Variants in CCSER1 observed in about 807,000 individuals in gnomAD.
CCSER1 encodes serine-rich coiled-coil domain-containing protein 1.
Under a neutral mutation model 82.0 loss-of-function variants are expected in CCSER1, and 41 were observed. The ratio of observed to expected loss-of-function variants is 0.50; its 90% CI spans 0.39 to 0.65. CCSER1 has a LOEUF of 0.65. Ranked by LOEUF, CCSER1 falls within the 30% of genes least tolerant of loss-of-function variation. The pLI is 0.00. For missense variants in CCSER1, 1,119 were observed against 1,064.2 expected, an observed-to-expected ratio of 1.05 and a Z score of -0.72; for synonymous variants, 414 against 383.9, an observed-to-expected ratio of 1.08 and a Z score of -0.92.
At chr4:90,903,548 A>G (rs1724985323) in intron 8 of CCSER1, among the ~76,000 whole-genome samples, 1 of 152,162 alleles carries the variant, frequency 6.6e-6, no homozygotes, top group Admixed American at 6.6e-5. Flanking sequence ...AATCAATACC[A>G]AAACCACCAA....
intron 6 of CCSER1, among the ~76,000 whole-genome samples, chr4:90,641,433 T>C (rs1178265464): frequency 6.6e-6 from 1 of 152,132 alleles, no homozygotes; most frequent in Non-Finnish European, 1.5e-5. Context: ...CTAGGTATTA[T>C]TATTTACAAT....
rs562196546 is a variant in CCSER1, at chr4:90,301,212, C to T, written c.-41-7032C>T. ...TTTAAGTAGGTAACATATTAATGAT[C>T]CATATCCAAATTATGAATCATTTAA... On this transcript the variant is annotated intron_variant, in intron 1 of 10. Coordinates refer to ENST00000509176, the MANE Select transcript of CCSER1 (RefSeq NM_001145065.2). 6.6e-5 allele frequency among the ~76,000 whole-genome samples: 10 copies of T among 152,210 alleles called. No homozygotes were observed. The South Asian group carries it at 2.1e-3, about 32-fold the overall frequency.
intron 9 of CCSER1, among the ~76,000 whole-genome samples, chr4:91,075,509 T>A (rs2148781611): frequency 6.6e-6 from 1 of 152,296 alleles, no homozygotes; most frequent in East Asian, 1.9e-4. Context: ...TAAAATTCTG[T>A]GAATCTTATA....
chr4:90,971,271 G>C (rs1455411632), intron 9 of CCSER1, among the ~76,000 whole-genome samples: 1 of 151,870 alleles, frequency 6.6e-6, no homozygotes, highest in Non-Finnish European at 1.5e-5. Flanking sequence ...AAGGTGAAGA[G>C]GAAGCATGCA....
intron 10 of CCSER1, among the ~76,000 whole-genome samples, chr4:91,487,824 G>A (rs12640730): frequency 0.84 from 127,265 of 151,894 alleles, 53,774 homozygotes; most frequent in African/African-American, 0.94. Context: ...ATCATAATTA[G>A]AACAACATGA....
At chr4:91,568,922 C>T (rs2110277669) in intron 10 of CCSER1, among the ~76,000 whole-genome samples, 1 of 152,208 alleles carries the variant, frequency 6.6e-6, no homozygotes, top group African/African-American at 2.4e-5. Context: ...ACACCCTGGC[C>T]ATTTGAGTTA....
chr4:90,228,135 C>T (rs1743607744), intron 1 of CCSER1, among the ~76,000 whole-genome samples: 1 of 151,942 alleles, frequency 6.6e-6, no homozygotes, highest in African/African-American at 2.4e-5. Context: ...CTCAAGGAGG[C>T]CTGCCTGCCT....
At chr4:91,177,046 C>G (rs1039404491) in intron 10 of CCSER1, among the ~76,000 whole-genome samples, 2 of 152,058 alleles carry the variant, frequency 1.3e-5, no homozygotes, top group African/African-American at 4.8e-5. Context: ...TGAATTTTGT[C>G]GAAGGCCTTT....
chr4:90,701,307 T>G (rs1415966717), intron 6 of CCSER1, among the ~76,000 whole-genome samples: 1 of 152,176 alleles, frequency 6.6e-6, no homozygotes, highest in Non-Finnish European at 1.5e-5. Context: ...TGTGTGGTAT[T>G]ATTTCTGAGG....
intron 5 of CCSER1, among the ~76,000 whole-genome samples, chr4:90,525,229 A>G (rs993621024): frequency 2.0e-5 from 3 of 152,164 alleles, no homozygotes; most frequent in African/African-American, 7.2e-5. Context: ...CTAATTGTTT[A>G]GAACAACTTC....
chr4:91,488,404 C>T (rs1287080308), intron 10 of CCSER1, among the ~76,000 whole-genome samples: 1 of 152,122 alleles, frequency 6.6e-6, no homozygotes, highest in African/African-American at 2.4e-5. Flanking sequence ...TGAGAAACTA[C>T]CATGTGTCAG....
chr4:90,332,531 C>T (rs569565548), intron 3 of CCSER1, among the ~76,000 whole-genome samples: 8 of 152,178 alleles, frequency 5.3e-5, no homozygotes, highest in South Asian at 2.1e-4. Context: ...CCACCATACC[C>T]GGCTATTTTT....
At chr4:91,395,445 C>A (rs1362533686) in intron 10 of CCSER1, among the ~76,000 whole-genome samples, 2 of 151,998 alleles carry the variant, frequency 1.3e-5, no homozygotes, top group Non-Finnish European at 2.9e-5. Context: ...ATGGAGCATG[C>A]AGAGCTGCCA....
At chr4:91,561,569 G>A (rs1221260952) in intron 10 of CCSER1, among the ~76,000 whole-genome samples, 1 of 151,392 alleles carries the variant, frequency 6.6e-6, no homozygotes, top group Non-Finnish European at 1.5e-5. Context: ...CATGATATAT[G>A]TATTTACGGG....
intron 7 of CCSER1, among the ~76,000 whole-genome samples, chr4:90,729,430 A>AT (rs1343469210): frequency 6.6e-6 from 1 of 152,218 alleles, no homozygotes; most frequent in Non-Finnish European, 1.5e-5. Context: ...TTGAGCTCAT[A>AT]TATCAGATTC....
rs569848128 is a variant in CCSER1 at position 90,428,003 on chromosome 4, G to T, written c.1603+27874G>T. Among the ~76,000 whole-genome samples, 9 of 151,888 alleles carry T rather than the reference G, an allele frequency of 5.9e-5. No individual in the cohort carries two copies. The South Asian group carries it at 1.0e-3, about 18-fold the overall frequency. On this transcript the variant is annotated intron_variant, in intron 4 of 10. Coordinates refer to ENST00000509176, the MANE Select transcript of CCSER1 (RefSeq NM_001145065.2). ...TGGGTCCTGCTTGACACATTTTGTA[G>T]ATAATATGCCCATAGGTTCTGAATC...
chr4:90,153,255 A>G (rs930768826), intron 1 of CCSER1, among the ~76,000 whole-genome samples: 4 of 151,802 alleles, frequency 2.6e-5, no homozygotes, highest in East Asian at 1.9e-4. Context: ...CATGGAGTAT[A>G]TTGCCACATT....
At chr4:91,381,453 C>T (rs1187015714) in intron 10 of CCSER1, among the ~76,000 whole-genome samples, 1 of 152,034 alleles carries the variant, frequency 6.6e-6, no homozygotes, top group Non-Finnish European at 1.5e-5. Flanking sequence ...TTTATTTTTA[C>T]TCTTTTTTCT....
rs1758584266 is a variant in CCSER1, at chr4:90,813,320, C to G, written c.2011-2442C>G. Among the ~76,000 whole-genome samples the G allele has an allele frequency of 2.0e-5, 3 of 152,212 alleles. 1 individual carries two copies. The South Asian group carries it at 6.2e-4, about 31-fold the overall frequency. On this transcript the variant is annotated intron_variant, in intron 7 of 10. Transcript: ENST00000509176. ...TAAAGCTCCAAAATCTCATTTGACT[C>G]TGTGTCTTACATCCAGGGAATGCCG...
Sources: gnomAD v4.1 joint callset for allele counts (sites outside exome capture counted in the v4.1 genomes callset) on GRCh38, gnomAD v4.1.1 for gene constraint, MANE v1.5 for transcripts, NCBI Gene and HGNC (gene_info 2026-07-23, HGNC 2026-07-21) for gene names.